The following DNAAF11 variants were observed in gnomAD, a reference collection of about 807,000 sequenced individuals.
DNAAF11 encodes leucine rich repeat containing 6.
A neutral mutation model predicts 60.8 loss-of-function variants in DNAAF11; 45 were observed. The observed-to-expected ratio is 0.74, with a 90% CI of 0.58 to 0.95. The LOEUF (loss-of-function observed/expected upper bound fraction) is 0.95. Ranked by LOEUF, DNAAF11 falls within the 40% of genes least tolerant of loss-of-function variation. The pLI, the probability that DNAAF11 is intolerant of heterozygous loss-of-function variation, is 0.00. For missense variants in DNAAF11, 546 were observed against 546.2 expected (o/e 1.00, Z 0.00); for synonymous variants, 191 against 183.5 (o/e 1.04, Z -0.33).
rs560791997 is a variant in DNAAF11, at chr8:132,650,310, T to C, written c.256+6520A>G. Among the ~76,000 whole-genome samples, 563 of 152,106 alleles carry C rather than the reference T, an allele frequency of 3.7e-3. 4 individuals carry two copies. The highest frequency in any genetic ancestry group is 0.013 in the African/African-American group (525 of 41,474). ...GCATGTTCTCACTCACAGGTGGGAATTGAACAATGAGAACACATGGACACA... is the reference window on the plus strand; with the variant it reads ...GCATGTTCTCACTCACAGGTGGGAACTGAACAATGAGAACACATGGACACA... On this transcript the variant is annotated intron_variant, in intron 3 of 11. Transcript: ENST00000620350.
the DNAAF11 span, among the ~76,000 whole-genome samples, chr8:132,693,795 T>C: frequency 6.6e-6 from 1 of 152,158 alleles, no homozygotes; most frequent in African/African-American, 2.4e-5. Flanking sequence ...CAAATGGCAA[T>C]GCCTGATGAG....
intron 3 of DNAAF11, among the ~76,000 whole-genome samples, chr8:132,655,345 T>A (rs1314990423): frequency 6.6e-6 from 1 of 152,036 alleles, no homozygotes; most frequent in Non-Finnish European, 1.5e-5. Flanking sequence ...TAACACAAAT[T>A]TTTTACAAGC....
intron 3 of DNAAF11, among the ~76,000 whole-genome samples, chr8:132,642,878 AT>A (rs1821997222): frequency 1.3e-5 from 2 of 152,338 alleles, no homozygotes; most frequent in South Asian, 4.1e-4. Context: ...CTGAACGGAT[AT>A]GTTAGAGCAG....
intron 7 of DNAAF11, among the ~76,000 whole-genome samples, chr8:132,615,878 A>G (rs73355167): frequency 0.074 from 11,202 of 152,218 alleles, 1,126 homozygotes; most frequent in African/African-American, 0.23. Flanking sequence ...ATTAAAGAAC[A>G]TAAGCTAAAC....
intron 3 of DNAAF11, among the ~76,000 whole-genome samples, chr8:132,638,481 C>G (rs1034740938): frequency 6.6e-6 from 1 of 152,188 alleles, no homozygotes; most frequent in Non-Finnish European, 1.5e-5. Flanking sequence ...ACTCCTACTA[C>G]AGAGGGCACC....
chr8:132,650,189 T>A (rs1411113991), intron 3 of DNAAF11, among the ~76,000 whole-genome samples: 1 of 152,188 alleles, frequency 6.6e-6, no homozygotes, highest in Non-Finnish European at 1.5e-5. Flanking sequence ...TATGCAGCCA[T>A]AAAAATGGAT....
chr8:132,670,585 T>C (rs555122967), intron 1 of DNAAF11, among the ~76,000 whole-genome samples: 7 of 152,180 alleles, frequency 4.6e-5, no homozygotes, highest in Non-Finnish European at 1.0e-4. Context: ...TTGTAGAAAA[T>C]TGAAGAGGAA....
At chr8:132,650,343 G>A (rs1220569144) in intron 3 of DNAAF11, among the ~76,000 whole-genome samples, 1 of 147,008 alleles carries the variant, frequency 6.8e-6, no homozygotes, top group Non-Finnish European at 1.5e-5. Context: ...ACAGGGTGGG[G>A]AACATCACAC....
intron 1 of DNAAF11, among the ~76,000 whole-genome samples, chr8:132,668,128 A>T (rs2130862760): frequency 6.6e-6 from 1 of 152,380 alleles, no homozygotes; most frequent in South Asian, 2.1e-4. Context: ...AGGGGTTACA[A>T]ACAGGTGAAG....
At chr8:132,634,076 A>C (rs532188894) in intron 4 of DNAAF11, among the ~76,000 whole-genome samples, 71 of 152,348 alleles carry the variant, frequency 4.7e-4, no homozygotes, top group African/African-American at 1.7e-3. Context: ...GATTTAGTCA[A>C]ATATAAATTA....
At chr8:132,681,181 T>C in the DNAAF11 span, among the ~76,000 whole-genome samples, 16 of 151,806 alleles carry the variant, frequency 1.1e-4, no homozygotes, top group Non-Finnish European at 2.4e-4. Context: ...TGGCTAATTT[T>C]GTATTTTTAG....
At chr8:132,682,504 G>A in the DNAAF11 span, among the ~76,000 whole-genome samples, 1 of 152,152 alleles carries the variant, frequency 6.6e-6, no homozygotes, top group East Asian at 1.9e-4. Context: ...CTGACCCACA[G>A]AATCATGAGA....
chr8:132,625,196 G>T, intron 6 of DNAAF11, 76 bp downstream of exon 6: 2 of 1,145,990 alleles, frequency 1.7e-6, no homozygotes, highest in Non-Finnish European at 2.4e-6. Context: ...CAAATAATGG[G>T]TCAAAAAATG....
rs756029160 is a variant in DNAAF11 at position 132,661,581 on chromosome 8, GAC to G, written c.55_56del (p.Val19HisfsTer21). ...ACGAGAGTTCCTCCAGGGAAAAAAT[GAC>G]ACAGTCGTTGTGTTCAGCATTCCGT... Reference protein sequence around the residue: ...IRRNAEHNDCVIFSLEELSLH... With the variant: ...IRRNAEHNDCXIFSLEELSLH... On this transcript the variant is annotated frameshift_variant, in exon 2 of 12. Transcript: ENST00000620350. LOFTEE classifies it high-confidence loss of function. 16 of 1,614,044 alleles carry G rather than the reference GAC, an allele frequency of 9.9e-6. No homozygotes were observed. The highest frequency in any genetic ancestry group is 1.3e-5 in the Non-Finnish European group (15 of 1,179,956).
At chr8:132,609,756 C>T (rs190310207) in intron 10 of DNAAF11, among the ~76,000 whole-genome samples, 87 of 152,206 alleles carry the variant, frequency 5.7e-4, no homozygotes, top group Non-Finnish European at 9.1e-4. Context: ...GTTCTTCGAC[C>T]ACCTATTCCC....
intron 11 of DNAAF11, among the ~76,000 whole-genome samples, chr8:132,573,232 T>G (rs1294026686): frequency 6.6e-6 from 1 of 152,204 alleles, no homozygotes; most frequent in Non-Finnish European, 1.5e-5. Context: ...TTTTATAACG[T>G]TCCCTCAAAT....
intron 3 of DNAAF11, among the ~76,000 whole-genome samples, chr8:132,654,829 C>T (rs1021714460): frequency 2.0e-5 from 3 of 151,504 alleles, no homozygotes; most frequent in East Asian, 1.9e-4. Context: ...TAAAAAACAA[C>T]GACTCATATC....
chr8:132,669,450 G>A (rs879439186), intron 1 of DNAAF11, among the ~76,000 whole-genome samples: 14 of 152,232 alleles, frequency 9.2e-5, no homozygotes, highest in Admixed American at 7.2e-4. Flanking sequence ...ACTAGTAAGT[G>A]TAACATGTCA....
chr8:132,572,483 A>G lies in DNAAF11; in HGVS notation c.1227-3T>C, dbSNP rs1456090911. 1 of 1,575,334 alleles carries G rather than the reference A, an allele frequency of 6.3e-7. No homozygotes were observed. The highest frequency in any genetic ancestry group is 8.6e-7 in the Non-Finnish European group (1 of 1,162,802). ...CTAGTTTCTCCATGTGCTTGCTTCT[A>G]TAACAACAAAAAAAGACAAACAGAA... is the stretch of plus-strand genomic sequence containing the variant. On this transcript the variant is annotated splice_region_variant and splice_polypyrimidine_tract_variant and intron_variant, in intron 11 of 11. Transcript: ENST00000620350.
Sources: gnomAD v4.1 joint callset for allele counts (sites outside exome capture counted in the v4.1 genomes callset) on GRCh38, gnomAD v4.1.1 for gene constraint, MANE v1.5 for transcripts, NCBI Gene and HGNC (gene_info 2026-07-23, HGNC 2026-07-21) for gene names.